PDE1A: variants seen among roughly 807,000 people sequenced by gnomAD.
The protein encoded by PDE1A is dual specificity calcium/calmodulin-dependent 3',5'-cyclic nucleotide phosphodiesterase 1A.
A neutral mutation model predicts 61.7 loss-of-function variants in PDE1A; 35 were observed. That is an observed-to-expected ratio of 0.57 (90% CI 0.43 to 0.75). The LOEUF is 0.75. Among genes scored for constraint, PDE1A ranks in the 30% least tolerant of loss-of-function variants. The pLI is 0.00. For missense variants in PDE1A, 597 were observed against 630.6 expected, an observed-to-expected ratio of 0.95 and a Z score of 0.57; for synonymous variants, 232 against 213.2, an observed-to-expected ratio of 1.09 and a Z score of -0.77.
chr2:182,584,900 T>C, the PDE1A span, among the ~76,000 whole-genome samples: 1 of 152,216 alleles, frequency 6.6e-6, no homozygotes, highest in Non-Finnish European at 1.5e-5. Flanking sequence ...CTGTGAAAGG[T>C]GATATGAGAA....
the PDE1A span, among the ~76,000 whole-genome samples, chr2:182,552,506 G>A: frequency 2.8e-5 from 4 of 144,374 alleles, no homozygotes; most frequent in Non-Finnish European, 4.5e-5. Flanking sequence ...GGGTGGTGGC[G>A]TGATCTCGGC....
chr2:182,708,096 A>G, the PDE1A span, among the ~76,000 whole-genome samples: 1 of 152,178 alleles, frequency 6.6e-6, no homozygotes, highest in Non-Finnish European at 1.5e-5. Flanking sequence ...CATATTATAT[A>G]TATGTACCAA....
chr2:182,485,867 G>A (rs1350807643), intron 2 of PDE1A, among the ~76,000 whole-genome samples: 2 of 151,930 alleles, frequency 1.3e-5, no homozygotes, highest in African/African-American at 4.8e-5. Flanking sequence ...TCTAAGAGAA[G>A]CATTGAACAA....
chr2:182,479,053 C>T (rs1254278463), intron 2 of PDE1A, among the ~76,000 whole-genome samples: 1 of 151,764 alleles, frequency 6.6e-6, no homozygotes, highest in Non-Finnish European at 1.5e-5. Flanking sequence ...CTTATTAATC[C>T]TGTTTAGTTA....
chr2:182,632,463 T>A, the PDE1A span, among the ~76,000 whole-genome samples: 2 of 152,242 alleles, frequency 1.3e-5, no homozygotes, highest in South Asian at 4.1e-4. Context: ...CTTCTCATTT[T>A]TTTTTTCTTT....
chr2:182,291,844 T>G (rs1259365129), intron 1 of PDE1A, among the ~76,000 whole-genome samples: 1 of 152,168 alleles, frequency 6.6e-6, no homozygotes, highest in Non-Finnish European at 1.5e-5. Flanking sequence ...AATTCTGACA[T>G]TCAAAGAAAA....
chr2:182,434,848 A>G (rs1704131802), intron 2 of PDE1A, among the ~76,000 whole-genome samples: 1 of 152,074 alleles, frequency 6.6e-6, no homozygotes, highest in Non-Finnish European at 1.5e-5. Context: ...CACAAATTCA[A>G]TAACAAAATA....
chr2:182,457,581 A>G (rs1686008766), intron 2 of PDE1A, among the ~76,000 whole-genome samples: 1 of 152,036 alleles, frequency 6.6e-6, no homozygotes, highest in South Asian at 2.1e-4. Flanking sequence ...ATAATGCCAA[A>G]GTAGATTAAT....
At chr2:182,403,958 TG>T (rs755387942) in intron 1 of PDE1A, among the ~76,000 whole-genome samples, 1 of 152,118 alleles carries the variant, frequency 6.6e-6, no homozygotes, top group Admixed American at 6.5e-5. Flanking sequence ...ATTCTGCACA[TG>T]TACCCCAGAA....
the PDE1A span, among the ~76,000 whole-genome samples, chr2:182,647,513 T>C: frequency 6.6e-6 from 1 of 152,208 alleles, no homozygotes. Flanking sequence ...TTAAGGGTTA[T>C]TGAGGTAGTC....
intron 2 of PDE1A, among the ~76,000 whole-genome samples, chr2:182,455,471 G>A (rs1410707522): frequency 3.3e-5 from 5 of 151,942 alleles, no homozygotes; most frequent in Admixed American, 6.6e-5. Context: ...TGTTTATTGC[G>A]GCACTATTCA....
chr2:182,277,844 T>C (rs993356605), intron 1 of PDE1A, among the ~76,000 whole-genome samples: 1 of 151,996 alleles, frequency 6.6e-6, no homozygotes, highest in Non-Finnish European at 1.5e-5. Flanking sequence ...AAAAACAATA[T>C]GGTATGTAAC....
At chr2:182,529,236 AACCT>A in the PDE1A span, among the ~76,000 whole-genome samples, 1 of 152,220 alleles carries the variant, frequency 6.6e-6, no homozygotes, top group African/African-American at 2.4e-5. Flanking sequence ...AGACCATGGG[AACCT>A]ACCTTTTGCA....
chr2:182,211,722 G>A (rs1456700395), intron 7 of PDE1A, among the ~76,000 whole-genome samples: 1 of 152,102 alleles, frequency 6.6e-6, no homozygotes, highest in African/African-American at 2.4e-5. Flanking sequence ...TATATGTTTT[G>A]TTCCATTTAT....
chr2:182,450,658 T>C (rs1685450354), intron 2 of PDE1A, among the ~76,000 whole-genome samples: 1 of 152,086 alleles, frequency 6.6e-6, no homozygotes, highest in Admixed American at 6.6e-5. Context: ...TTAAGGCTAT[T>C]GTTTTCTTTT....
At chr2:182,271,161 T>A in intron 1 of PDE1A, among the ~76,000 whole-genome samples, 1 of 144,728 alleles carries the variant, frequency 6.9e-6, no homozygotes. Flanking sequence ...GCTAAGAGAG[T>A]AGACTTTTAG....
At position 182,470,356 on chromosome 2, in the gene PDE1A, C is replaced by T. The variant is rs562627149; in HGVS notation, c.101+51920G>A. On this transcript the variant is annotated intron_variant, in intron 2 of 14. Coordinates refer to the PDE1A transcript ENST00000410103. The stretch of plus-strand genomic sequence containing the variant: ...GAAAAACTACAGCTAACATCAAACT[C>T]AATGGTGTTAATCTCAATGCTTTCT... Among the ~76,000 whole-genome samples, 3 of 151,972 alleles carry T rather than the reference C, an allele frequency of 2.0e-5. No individual in the cohort carries two copies. The East Asian group carries it at 5.8e-4, about 29-fold the overall frequency.
intron 2 of PDE1A, among the ~76,000 whole-genome samples, chr2:182,434,967 T>A (rs1191258426): frequency 6.6e-6 from 1 of 152,028 alleles, no homozygotes; most frequent in Non-Finnish European, 1.5e-5. Context: ...GTCATTTAAA[T>A]CCATCAGAAA....
the PDE1A span, among the ~76,000 whole-genome samples, chr2:182,668,868 C>T: frequency 6.6e-6 from 1 of 152,262 alleles, no homozygotes; most frequent in East Asian, 1.9e-4. Flanking sequence ...CTGCCTCGTG[C>T]GAGCCGGTGG....
Sources: allele counts gnomAD v4.1 joint callset (sites outside exome capture counted in the v4.1 genomes callset), GRCh38; gene constraint gnomAD v4.1.1; transcripts MANE v1.5; gene names NCBI Gene and HGNC (gene_info 2026-07-23, HGNC 2026-07-21).